DNAH7: variants seen among roughly 807,000 people sequenced by gnomAD.
DNAH7 encodes axonemal beta dynein heavy chain 7.
A neutral mutation model predicts 444.6 loss-of-function variants in DNAH7; 397 were observed. The ratio of observed to expected loss-of-function variants is 0.89; its 90% CI spans 0.82 to 0.97. DNAH7 has a LOEUF of 0.97. Among genes scored for constraint, DNAH7 ranks in the 50% least tolerant of loss-of-function variants. The pLI, the probability that DNAH7 is intolerant of heterozygous loss-of-function variation, is 0.00. For synonymous variants in DNAH7, 1,636 were observed against 1,624.4 expected, an observed-to-expected ratio of 1.01 and a Z score of -0.17; for missense variants, 4,902 against 4,800.8, an observed-to-expected ratio of 1.02 and a Z score of -0.62.
chr2:196,019,867 A>T (rs1465008967), intron 8 of DNAH7, among the ~76,000 whole-genome samples: 1 of 152,080 alleles, frequency 6.6e-6, no homozygotes, highest in Admixed American at 6.6e-5. Flanking sequence ...AACTGTGCAC[A>T]TCAACTTACA....
Position 196,043,546 on chromosome 2 carries a change from A to G in DNAH7, c.398+3806T>C, listed in dbSNP as rs182103067. 1.1e-4 allele frequency among the ~76,000 whole-genome samples: 17 copies of G among 152,294 alleles called. No individual in the cohort carries two copies. In the East Asian group the frequency reaches 3.1e-3, roughly 28 times the overall value. On this transcript the variant is annotated intron_variant, in intron 5 of 64. Coordinates refer to ENST00000312428, the MANE Select transcript of DNAH7 (RefSeq NM_018897.3). ...AGAATCCAAAAGTACATGCAACAGA[A>G]ACAAAGATAAATAGATGGGACCTAA...
chr2:195,990,635 G>A (rs537990457), intron 12 of DNAH7, among the ~76,000 whole-genome samples: 2 of 151,854 alleles, frequency 1.3e-5, no homozygotes, highest in South Asian at 4.2e-4. Flanking sequence ...CTCCAACCTA[G>A]GCGACAGAGT....
chr2:195,740,810 G>C lies in DNAH7; in HGVS notation c.11824C>G (p.Leu3942Val), dbSNP rs1273954269. 1 of 1,565,022 alleles carries C rather than the reference G, an allele frequency of 6.4e-7. No individual in the cohort carries two copies. Among genetic ancestry groups the C allele is most frequent in the Admixed American group, 1.8e-5 (1 of 55,650 alleles). Residue 3942 changes from leucine (L) to valine (V), a missense_variant, in exon 64 of 65, where the codon CTT becomes GTT. By Grantham distance (32) the Leu-to-Val change is conservative. Coordinates refer to ENST00000312428, the MANE Select transcript of DNAH7 (RefSeq NM_018897.3). ...AGAATTTTGGGATGCGATTCTGCAA[G>C]TTTCTTGATCTTTCTATTCCAGGAA... ...GASWNRKIKK[L>V]AESHPKILYD...
intron 58 of DNAH7, among the ~76,000 whole-genome samples, chr2:195,778,665 T>TAC (rs1695211918): frequency 1.4e-5 from 1 of 72,672 alleles, no homozygotes; most frequent in Non-Finnish European, 2.4e-5. Flanking sequence ...TATATATATA[T>TAC]ATATACACAC....
intron 21 of DNAH7, among the ~76,000 whole-genome samples, chr2:195,932,419 C>T (rs879207624): frequency 6.6e-6 from 1 of 152,058 alleles, no homozygotes; most frequent in African/African-American, 2.4e-5. Flanking sequence ...TGTCCTTATG[C>T]CTGATTGCCC....
Position 195,972,241 on chromosome 2 carries a change from C to T in DNAH7, c.2058+1G>A. On this transcript the variant is annotated splice_donor_variant, in intron 16 of 64. Transcript: ENST00000312428. LOFTEE classifies it high-confidence loss of function. ...GAAAATAAAATATCTAAGATGCCAA[C>T]CTTCAGACCTTCTTGATATTGTTCT... 3 of 1,607,844 alleles carry T rather than the reference C, an allele frequency of 1.9e-6. 1 individual carries two copies. Among genetic ancestry groups the T allele is most frequent in the Non-Finnish European group, 2.6e-6 (3 of 1,175,732 alleles).
chr2:196,038,368 G>A lies in DNAH7; in HGVS notation c.398+8984C>T, dbSNP rs191341883. On this transcript the variant is annotated intron_variant, in intron 5 of 64. Coordinates refer to ENST00000312428, the MANE Select transcript of DNAH7 (RefSeq NM_018897.3). ...TACACAAATGAGAAAAAGGAGTCAA[G>A]CAATACTTTATAGAAGAACACCAAA... is the stretch of plus-strand genomic sequence containing the variant. Among the ~76,000 whole-genome samples the A allele has an allele frequency of 3.9e-3, 590 of 152,152 alleles. 1 individual carries two copies. Among genetic ancestry groups the A allele is most frequent in the Non-Finnish European group, 5.7e-3 (387 of 67,946 alleles).
chr2:195,747,452 A>T (rs1263448600), intron 63 of DNAH7, among the ~76,000 whole-genome samples: 3 of 152,222 alleles, frequency 2.0e-5, no homozygotes, highest in Admixed American at 6.5e-5. Context: ...TATTCCAATC[A>T]ATAGAGAAAG....
At chr2:195,967,472 T>C (rs1040137011) in intron 17 of DNAH7, among the ~76,000 whole-genome samples, 2 of 152,214 alleles carry the variant, frequency 1.3e-5, no homozygotes, top group African/African-American at 4.8e-5. Flanking sequence ...CTTCAGATGA[T>C]TTATTATTGC....
rs1443397786 is a variant in DNAH7, at chr2:196,047,471, C to CT, written c.278dup (p.Lys95GlnfsTer7). 6 of 1,594,872 alleles carry CT rather than the reference C, an allele frequency of 3.8e-6. No homozygotes were observed. The highest frequency in any genetic ancestry group is 1.1e-5 in the South Asian group (1 of 87,254). On this transcript the variant is annotated frameshift_variant, in exon 5 of 65. Transcript: ENST00000312428. LOFTEE classifies it high-confidence loss of function. ...CATCAACTTGGTGGGGTAATTTGCC[C>CT]TTTTTTCCAAAACGTTCCATGTATT...
At chr2:195,823,592 T>C (rs1393442781) in intron 49 of DNAH7, among the ~76,000 whole-genome samples, 2 of 152,118 alleles carry the variant, frequency 1.3e-5, no homozygotes, top group African/African-American at 4.8e-5. Context: ...AGCTTCTTAA[T>C]GTCTTCTCCT....
At chr2:195,813,952 A>C (rs1697103220) in intron 51 of DNAH7, among the ~76,000 whole-genome samples, 1 of 152,224 alleles carries the variant, frequency 6.6e-6, no homozygotes, top group African/African-American at 2.4e-5. Flanking sequence ...CAGACACAAA[A>C]AAGCAGACAC....
At chr2:195,851,247 A>C (rs190408079) in intron 46 of DNAH7, among the ~76,000 whole-genome samples, 196 of 152,342 alleles carry the variant, frequency 1.3e-3, no homozygotes, top group African/African-American at 4.6e-3. Context: ...TGAAGATGAC[A>C]AAGTGGGACT....
intron 51 of DNAH7, among the ~76,000 whole-genome samples, chr2:195,810,997 G>C (rs1311366730): frequency 1.3e-5 from 2 of 152,118 alleles, no homozygotes; most frequent in Non-Finnish European, 2.9e-5. Context: ...CTTGTAGACA[G>C]AAAGATTGAA....
At chr2:195,900,062 A>C (rs1686606300) in intron 28 of DNAH7, among the ~76,000 whole-genome samples, 2 of 152,214 alleles carry the variant, frequency 1.3e-5, no homozygotes, top group South Asian at 4.1e-4. Context: ...GTACCCCGTT[A>C]ATGAAACAGA....
chr2:195,936,642 C>T lies in DNAH7; in HGVS notation c.3229G>A (p.Asp1077Asn). 1 of 1,605,914 alleles carries T rather than the reference C, an allele frequency of 6.2e-7. No individual in the cohort carries two copies. Among genetic ancestry groups the T allele is most frequent in the Non-Finnish European group, 8.5e-7 (1 of 1,177,572 alleles). ...FFPRFFFLSN[D>N]ELLEILSETK... ...TCAGATAGTATCTCAAGAAGTTCATCATTGGACAAAAAAAAGAATCTGGGG... is the reference window on the plus strand; with the variant it reads ...TCAGATAGTATCTCAAGAAGTTCATTATTGGACAAAAAAAAGAATCTGGGG... The change falls in exon 20 of 65, where the codon GAT becomes AAT. Residue 1077 changes from aspartate to asparagine, a missense_variant. Transcript: ENST00000312428.
At chr2:195,856,379 A>C (rs1383046275) in intron 44 of DNAH7, among the ~76,000 whole-genome samples, 19 of 152,214 alleles carry the variant, frequency 1.2e-4, no homozygotes, top group Non-Finnish European at 5.9e-5. Flanking sequence ...CCTAGAATAC[A>C]TCAACCAAAA....
chr2:196,012,860 C>G lies in DNAH7; in HGVS notation c.916G>C (p.Ala306Pro). 1 of 1,543,424 alleles carries G rather than the reference C, an allele frequency of 6.5e-7. No homozygotes were observed. Among genetic ancestry groups the G allele is most frequent in the Non-Finnish European group, 8.7e-7 (1 of 1,147,324 alleles). The change falls in exon 10 of 65, where the codon GCA becomes CCA. Residue 306 changes from alanine (A) to proline (P), a missense_variant. Physicochemically the swap from Ala to Pro is conservative, Grantham distance 27. Coordinates refer to ENST00000312428, the MANE Select transcript of DNAH7 (RefSeq NM_018897.3). ...DIKEFHNCQD[A>P]LELSSFQNII... ...TTCTGAAAACTTGACAGCTCTAATG[C>G]ATCCTGGCAATTATGAAATTCTTTG...
Position 195,875,754 on chromosome 2 carries a change from G to A in DNAH7, c.6207C>T (p.His2069=). The A allele has an allele frequency of 6.2e-7, 1 of 1,613,850 alleles. No homozygotes were observed. The highest frequency in any genetic ancestry group is 8.5e-7 in the Non-Finnish European group (1 of 1,179,892). The part of the protein sequence containing the change: ...PIELLRQWLD[H]WNWYDLKDCS... ...AATCTTTTAGATCATACCAGTTCCAGTGGTCTAACCACTGTCTAAGTAACT... is the reference window on the plus strand; with the variant it reads ...AATCTTTTAGATCATACCAGTTCCAATGGTCTAACCACTGTCTAAGTAACT... Residue 2069 remains histidine, a synonymous_variant, in exon 38 of 65, where the codon CAC becomes CAT. Coordinates refer to ENST00000312428, the MANE Select transcript of DNAH7 (RefSeq NM_018897.3).
Sources: gnomAD v4.1 joint callset for allele counts (sites outside exome capture counted in the v4.1 genomes callset) on GRCh38, gnomAD v4.1.1 for gene constraint, MANE v1.5 for transcripts, NCBI Gene and HGNC (gene_info 2026-07-23, HGNC 2026-07-21) for gene names.